Variants in MAPK9 observed in about 807,000 individuals in gnomAD.
The protein encoded by MAPK9 is Jun kinase.
Under a neutral mutation model 57.1 loss-of-function variants are expected in MAPK9, and 30 were observed. That is an observed-to-expected ratio of 0.53 (90% CI 0.39 to 0.71). The LOEUF is 0.71. MAPK9 is among the 30% of genes least tolerant of loss of function. MAPK9 has a pLI of 0.00. For synonymous variants in MAPK9, 155 were observed against 177.0 expected (o/e 0.88, Z 0.99); for missense variants, 362 against 521.0 (o/e 0.69, Z 2.97).
chr5:180,256,702 C>T (rs1328100091), intron 5 of MAPK9, among the ~76,000 whole-genome samples: 1 of 152,092 alleles, frequency 6.6e-6, no homozygotes, highest in Non-Finnish European at 1.5e-5. Flanking sequence ...CTCCTTTGGG[C>T]CCCATCTGAC....
chr5:180,283,091 A>G (rs1186247336), intron 1 of MAPK9, among the ~76,000 whole-genome samples: 1 of 152,172 alleles, frequency 6.6e-6, no homozygotes, highest in Non-Finnish European at 1.5e-5. Flanking sequence ...GAGGTGCGAC[A>G]CAGGCGCTGA....
chr5:180,287,549 T>C (rs1762880977), intron 1 of MAPK9, among the ~76,000 whole-genome samples: 1 of 152,212 alleles, frequency 6.6e-6, no homozygotes, highest in Non-Finnish European at 1.5e-5. Flanking sequence ...GGCAGTCCTC[T>C]GGCCCAATCT....
Position 180,241,275 on chromosome 5 carries a change from T to C in MAPK9, c.872-120A>G, listed in dbSNP as rs1757630635. ...AGATATATTAATTTTGAGAAATGTT[T>C]GATAGGTTCAAGATGAATATAACCC... On this transcript the variant is annotated intron_variant, in intron 8 of 11. Transcript: ENST00000452135. 4.4e-6 allele frequency: 5 copies of C among 1,145,696 alleles called. No homozygotes were observed. In the South Asian group the frequency reaches 6.9e-5, roughly 16 times the overall value. The allele number at this position is 1,145,696 out of a possible 1,614,324, so 71.0% of individuals were successfully genotyped here.
chr5:180,255,327 G>C (rs893871437), intron 5 of MAPK9, among the ~76,000 whole-genome samples: 6 of 152,038 alleles, frequency 3.9e-5, no homozygotes, highest in African/African-American at 1.4e-4. Context: ...ATCCAACATG[G>C]GAGGCAGATG....
At chr5:180,270,799 T>C (rs1300907447) in intron 2 of MAPK9, among the ~76,000 whole-genome samples, 1 of 140,848 alleles carries the variant, frequency 7.1e-6, no homozygotes, top group Non-Finnish European at 1.5e-5. Context: ...CAGTGAGCAC[T>C]GATCCCTCCA....
chr5:180,263,841 G>C (rs1239189477), intron 4 of MAPK9, among the ~76,000 whole-genome samples: 1 of 151,864 alleles, frequency 6.6e-6, no homozygotes, highest in African/African-American at 2.4e-5. Flanking sequence ...GAGTAGCTGG[G>C]ACTACAGGCC....
rs527738970 is a variant in MAPK9, at chr5:180,254,905, A to G, written c.451-5767T>C. Among the ~76,000 whole-genome samples the G allele has an allele frequency of 7.9e-5, 12 of 152,194 alleles. No individual in the cohort carries two copies. The East Asian group carries it at 2.1e-3, about 27-fold the overall frequency. The stretch of plus-strand genomic sequence containing the variant: ...AAAAATTAGCTGGGCGTGGTGGCGG[A>G]CGCCTGCAGTCCTAGCCACTAGGGA... On this transcript the variant is annotated intron_variant, in intron 5 of 11. Transcript: ENST00000452135.
chr5:180,276,043 T>C (rs1761784413), intron 2 of MAPK9, among the ~76,000 whole-genome samples: 2 of 152,216 alleles, frequency 1.3e-5, no homozygotes, highest in Admixed American at 1.3e-4. Context: ...ATAAAGAAAC[T>C]GATTTGCCCT....
At chr5:180,287,803 G>C (rs146348955) in intron 1 of MAPK9, among the ~76,000 whole-genome samples, 1 of 152,042 alleles carries the variant, frequency 6.6e-6, no homozygotes, top group African/African-American at 2.4e-5. Context: ...CCCAGTATTC[G>C]CTTTAGATTG....
Position 180,247,922 on chromosome 5 carries a change from G to A in MAPK9, c.617-412C>T. On this transcript the variant is annotated intron_variant, in intron 6 of 11. Transcript: ENST00000452135. The surrounding 1 kb of genome is among the most constrained non-coding windows in gnomAD (Gnocchi z 4.5). ...CCATGATGCACCCGACAGACCAGAT[G>A]TCCACTACCAAACACCAGGGGATTA... 1 of 1,613,754 alleles carries A rather than the reference G, an allele frequency of 6.2e-7. No homozygotes were observed. Among genetic ancestry groups the A allele is most frequent in the Non-Finnish European group, 8.5e-7 (1 of 1,179,868 alleles).
rs1763187716 is a variant in MAPK9 at position 180,291,116 on chromosome 5, G to C, written c.-48+732C>G. ...GATCACGGAGACAACTCCAAAGACG[G>C]GGAAACAGCAAATGCAAAGGTCCTG... On this transcript the variant is annotated intron_variant, in intron 1 of 11. Transcript: ENST00000452135. Among the ~76,000 whole-genome samples, 3 of 152,108 alleles carry C rather than the reference G, an allele frequency of 2.0e-5. 1 individual carries two copies. The South Asian group carries it at 6.2e-4, about 31-fold the overall frequency.
intron 2 of MAPK9, among the ~76,000 whole-genome samples, chr5:180,270,542 C>A (rs35157316): frequency 1.3e-5 from 2 of 152,168 alleles, no homozygotes; most frequent in African/African-American, 4.8e-5. Flanking sequence ...TACCTATATA[C>A]TTCTCAGACT....
intron 2 of MAPK9, among the ~76,000 whole-genome samples, chr5:180,270,175 A>G (rs1274810236): frequency 6.6e-6 from 1 of 152,230 alleles, no homozygotes; most frequent in Non-Finnish European, 1.5e-5. Flanking sequence ...TGGGCTACTC[A>G]TGAGGGCTAA....
intron 5 of MAPK9, among the ~76,000 whole-genome samples, chr5:180,259,392 C>T (rs1759672308): frequency 6.6e-6 from 1 of 151,906 alleles, no homozygotes; most frequent in South Asian, 2.1e-4. Flanking sequence ...GGGATGTGGT[C>T]AAGTCTTCAG....
intron 2 of MAPK9, among the ~76,000 whole-genome samples, chr5:180,271,644 A>C (rs1244475617): frequency 1.3e-5 from 2 of 152,212 alleles, no homozygotes; most frequent in Non-Finnish European, 2.9e-5. Context: ...ATGTTTCTAG[A>C]AGTTGAAAAT....
intron 5 of MAPK9, among the ~76,000 whole-genome samples, chr5:180,254,848 C>T (rs937180899): frequency 1.3e-5 from 2 of 152,130 alleles, no homozygotes; most frequent in African/African-American, 4.8e-5. Context: ...TCCTGGGTAA[C>T]AAGGTGAAAC....
chr5:180,245,382 T>C (rs1758005149), intron 7 of MAPK9, among the ~76,000 whole-genome samples: 1 of 152,136 alleles, frequency 6.6e-6, no homozygotes. Context: ...CGATCCACCC[T>C]CAATTCAGCA....
Position 180,254,216 on chromosome 5 carries a change from C to T in MAPK9, c.451-5078G>A, listed in dbSNP as rs139863284. Among the ~76,000 whole-genome samples, 248 of 152,318 alleles carry T rather than the reference C, an allele frequency of 1.6e-3. 1 individual carries two copies. The highest frequency in any genetic ancestry group is 5.8e-3 in the African/African-American group (241 of 41,576). On this transcript the variant is annotated intron_variant, in intron 5 of 11. Coordinates refer to ENST00000452135, the MANE Select transcript of MAPK9 (RefSeq NM_002752.5). ...TCTTGACCTCAGGTGATCTGCCCGC[C>T]TCAGTCTCCCAAAGTGCTGGGATTA...
In MAPK9 at chr5:180,283,037, G is replaced by A. The variant is rs12518189; in HGVS notation, c.-47-2429C>T. ...TGAGCCCCAGAAGCCACGCAGAGCC[G>A]TCTGGCCTCAGTCCTGAGGGCTGTG... On this transcript the variant is annotated intron_variant, in intron 1 of 11. Transcript: ENST00000452135. Among the ~76,000 whole-genome samples the A allele has an allele frequency of 3.5e-3, 534 of 152,274 alleles. 2 individuals are homozygous for A. Among genetic ancestry groups the A allele is most frequent in the African/African-American group, 7.7e-3 (319 of 41,542 alleles).
Sources: gnomAD v4.1 joint callset for allele counts (sites outside exome capture counted in the v4.1 genomes callset) on GRCh38, gnomAD v4.1.1 for gene constraint, Gnocchi (gnomAD v3.1) non-coding constraint, MANE v1.5 for transcripts, NCBI Gene and HGNC (gene_info 2026-07-23, HGNC 2026-07-21) for gene names.